The following FARSB variants were observed in gnomAD, a reference collection of about 807,000 sequenced individuals.
FARSB encodes the protein phenylalanyl-tRNA synthetase subunit beta.
A neutral mutation model predicts 69.6 loss-of-function variants in FARSB; 40 were observed. The ratio of observed to expected loss-of-function variants is 0.57; its 90% CI spans 0.45 to 0.75. The LOEUF (loss-of-function observed/expected upper bound fraction) is 0.75. Ranked by LOEUF, FARSB falls within the 30% of genes least tolerant of loss-of-function variation. The probability of loss-of-function intolerance (pLI) is 0.00; values close to 1 mark genes in which losing one functional copy is unlikely to be tolerated. For synonymous variants in FARSB, 235 were observed against 247.2 expected, an observed-to-expected ratio of 0.95 and a Z score of 0.46; for missense variants, 632 against 722.9, an observed-to-expected ratio of 0.87 and a Z score of 1.44.
intron 5 of FARSB, among the ~76,000 whole-genome samples, 153 bp downstream of exon 5, chr2:222,639,427 T>C (rs960897232): frequency 1.5e-4 from 23 of 152,000 alleles, no homozygotes; most frequent in Non-Finnish European, 3.1e-4. Context: ...TAGAAATGAT[T>C]TGTAAAAAAT....
intron 14 of FARSB, 142 bp downstream of exon 14, chr2:222,619,503 C>CAACTATA (rs1691087722): frequency 5.4e-6 from 3 of 553,268 alleles, no homozygotes; most frequent in African/African-American, 1.9e-5. Context: ...ACGTAATAAC[C>CAACTATA]AACTATAAAC....
intron 1 of FARSB, among the ~76,000 whole-genome samples, chr2:222,654,690 C>T (rs565510571): frequency 3.3e-5 from 5 of 152,206 alleles, no homozygotes; most frequent in African/African-American, 1.2e-4. Context: ...GCAGAACTTA[C>T]GAAGAATATC....
intron 16 of FARSB, among the ~76,000 whole-genome samples, chr2:222,590,011 C>T (rs1247585930): frequency 1.3e-5 from 2 of 152,184 alleles, no homozygotes; most frequent in Non-Finnish European, 2.9e-5. Flanking sequence ...AATCCCATTA[C>T]TGGGTATATA....
chr2:222,571,336 CT>C lies in FARSB; in HGVS notation c.*534del, dbSNP rs1689712076. On this transcript the variant is annotated 3_prime_UTR_variant, in exon 17 of 17. Coordinates refer to ENST00000281828, the MANE Select transcript of FARSB (RefSeq NM_005687.5). ...GATTTTTCTTTCACTTTAAACTGACCTCAGAAGCTATAATTGTTGGACCATA... is the reference window on the plus strand; with the variant it reads ...GATTTTTCTTTCACTTTAAACTGACCCAGAAGCTATAATTGTTGGACCATA... The C allele has an allele frequency of 6.6e-6, 1 of 152,146 alleles. No individual in the cohort carries two copies. The highest frequency in any genetic ancestry group is 2.4e-5 in the African/African-American group (1 of 41,392). 9.4% of individuals were successfully genotyped at this position (152,146 alleles called of 1,614,324 possible).
intron 1 of FARSB, among the ~76,000 whole-genome samples, chr2:222,655,382 C>G (rs1481090817): frequency 6.6e-6 from 1 of 152,114 alleles, no homozygotes; most frequent in African/African-American, 2.4e-5. Context: ...AATGTTACCA[C>G]CCTATCTAAA....
chr2:222,600,108 C>A (rs765756301), intron 15 of FARSB, 25 bp from the exon 16 acceptor site: 4 of 1,591,042 alleles, frequency 2.5e-6, no homozygotes, highest in Admixed American at 3.7e-5. Flanking sequence ...GAACTGGTCA[C>A]AACGCTGTAT....
chr2:222,650,542 G>A (rs2106017280), intron 1 of FARSB, among the ~76,000 whole-genome samples: 1 of 152,324 alleles, frequency 6.6e-6, no homozygotes, highest in Non-Finnish European at 1.5e-5. Context: ...GGAATAGGGA[G>A]TGTGTAGAAG....
Position 222,567,363 on chromosome 2 carries a change from T to C in FARSB, c.*4508A>G, listed in dbSNP as rs1689651222. 1 of 152,240 alleles carries C rather than the reference T, an allele frequency of 6.6e-6. No homozygotes were observed. The highest frequency in any genetic ancestry group is 2.1e-4 in the South Asian group (1 of 4,830). 9.4% of individuals were successfully genotyped at this position (152,240 alleles called of 1,614,324 possible). On this transcript the variant is annotated 3_prime_UTR_variant, in exon 17 of 17. Transcript: ENST00000281828. The stretch of plus-strand genomic sequence containing the variant: ...ATTCTGCTTAAGGCAATGGTGTCCC[T>C]TGAAGGCTATCTGTTTGCTTTTGGA...
chr2:222,655,383 C>T (rs1574961547), intron 1 of FARSB, among the ~76,000 whole-genome samples: 1 of 152,034 alleles, frequency 6.6e-6, no homozygotes, highest in African/African-American at 2.4e-5. Flanking sequence ...ATGTTACCAC[C>T]CTATCTAAAG....
chr2:222,592,065 A>C (rs1055238230), intron 16 of FARSB, among the ~76,000 whole-genome samples: 4 of 152,236 alleles, frequency 2.6e-5, no homozygotes, highest in African/African-American at 9.6e-5. Context: ...TCCGGCAAGT[A>C]GGAATTAAAA....
chr2:222,567,732 T>G lies in FARSB; in HGVS notation c.*4139A>C, dbSNP rs1003553550. 2.0e-5 allele frequency: 3 copies of G among 152,246 alleles called. No individual in the cohort carries two copies. Among genetic ancestry groups the G allele is most frequent in the Non-Finnish European group, 2.9e-5 (2 of 68,044 alleles). 9.4% of individuals were successfully genotyped at this position (152,246 alleles called of 1,614,324 possible). On this transcript the variant is annotated 3_prime_UTR_variant, in exon 17 of 17. Coordinates refer to ENST00000281828, the MANE Select transcript of FARSB (RefSeq NM_005687.5). The stretch of plus-strand genomic sequence containing the variant: ...TCAAAGAAATATCTAATGAACTCTA[T>G]GCATCTCTGAATGTGTCTGTCAAAT...
At chr2:222,641,874 A>G (rs898941979) in intron 3 of FARSB, among the ~76,000 whole-genome samples, 2 of 152,244 alleles carry the variant, frequency 1.3e-5, no homozygotes, top group Admixed American at 1.3e-4. Context: ...TCACAATTTC[A>G]GAATCTAGCC....
At chr2:222,607,453 G>A (rs1213148302) in intron 15 of FARSB, among the ~76,000 whole-genome samples, 3 of 152,110 alleles carry the variant, frequency 2.0e-5, no homozygotes, top group African/African-American at 7.2e-5. Context: ...AAAAAGAAAT[G>A]AAGTTGATAG....
chr2:222,591,878 C>T (rs1437845668), intron 16 of FARSB, among the ~76,000 whole-genome samples: 1 of 152,116 alleles, frequency 6.6e-6, no homozygotes, highest in Non-Finnish European at 1.5e-5. Flanking sequence ...CAGGAAAACA[C>T]TTTACATGTA....
At position 222,571,298 on chromosome 2, in the gene FARSB, T is replaced by A. The variant is rs1689711398; in HGVS notation, c.*573A>T. ...CCTATGCACCCTCACATATTTTGAA[T>A]CCTTGTATTACAGATTTTTCTTTCA... is the stretch of plus-strand genomic sequence containing the variant. On this transcript the variant is annotated 3_prime_UTR_variant, in exon 17 of 17. Coordinates refer to ENST00000281828, the MANE Select transcript of FARSB (RefSeq NM_005687.5). The A allele has an allele frequency of 6.6e-6, 1 of 152,270 alleles. No individual in the cohort carries two copies. The highest frequency in any genetic ancestry group is 2.1e-4 in the South Asian group (1 of 4,832). 9.4% of individuals were successfully genotyped at this position (152,270 alleles called of 1,614,324 possible).
chr2:222,599,679 A>G (rs1266917386), intron 16 of FARSB, among the ~76,000 whole-genome samples: 1 of 152,238 alleles, frequency 6.6e-6, no homozygotes, highest in African/African-American at 2.4e-5. Flanking sequence ...TAAAGGTGCC[A>G]GTAACTAGGG....
At chr2:222,572,379 A>T (rs915835401) in intron 16 of FARSB, among the ~76,000 whole-genome samples, 5 of 152,190 alleles carry the variant, frequency 3.3e-5, no homozygotes, top group Admixed American at 1.3e-4. Context: ...AAGGAAAAAA[A>T]TGAAACATAA....
chr2:222,596,791 G>A (rs1250328173), intron 16 of FARSB, among the ~76,000 whole-genome samples: 1 of 152,068 alleles, frequency 6.6e-6, no homozygotes, highest in African/African-American at 2.4e-5. Flanking sequence ...GTATGTATGT[G>A]TGTACGTGTG....
At chr2:222,637,005 T>C (rs539846809) in intron 5 of FARSB, among the ~76,000 whole-genome samples, 1 of 152,136 alleles carries the variant, frequency 6.6e-6, no homozygotes, top group African/African-American at 2.4e-5. Context: ...TGGAAGAACA[T>C]ACACATAATA....
Sources: gnomAD v4.1 joint callset for allele counts (sites outside exome capture counted in the v4.1 genomes callset) on GRCh38, gnomAD v4.1.1 for gene constraint, MANE v1.5 for transcripts, NCBI Gene and HGNC (gene_info 2026-07-23, HGNC 2026-07-21) for gene names.